Variants in ARHGAP10 observed in about 807,000 individuals in gnomAD.
The protein encoded by ARHGAP10 is rho GTPase-activating protein 10.
A neutral mutation model predicts 108.6 loss-of-function variants in ARHGAP10; 87 were observed. That is an observed-to-expected ratio of 0.80 (90% CI 0.67 to 0.96). The LOEUF is 0.96. Among genes scored for constraint, ARHGAP10 ranks in the 40% least tolerant of loss-of-function variants. The pLI is 0.00. For synonymous variants in ARHGAP10, 347 were observed against 341.1 expected, an observed-to-expected ratio of 1.02 and a Z score of -0.19; for missense variants, 939 against 954.5, an observed-to-expected ratio of 0.98 and a Z score of 0.21.
intron 3 of ARHGAP10, among the ~76,000 whole-genome samples, chr4:147,831,541 A>G (rs1258898772): frequency 1.3e-5 from 2 of 152,248 alleles, no homozygotes; most frequent in Non-Finnish European, 2.9e-5. Context: ...AGGCACATTC[A>G]GAATGGAGGA....
intron 13 of ARHGAP10, among the ~76,000 whole-genome samples, chr4:147,936,594 G>T (rs1441052921): frequency 6.6e-6 from 1 of 152,070 alleles, no homozygotes; most frequent in Non-Finnish European, 1.5e-5. Context: ...CTCCCAAAGT[G>T]CTGGGATTAC....
At chr4:147,929,941 A>G (rs532215876) in intron 13 of ARHGAP10, among the ~76,000 whole-genome samples, 5 of 152,372 alleles carry the variant, frequency 3.3e-5, no homozygotes, top group Non-Finnish European at 5.9e-5. Flanking sequence ...GCATTTGTGC[A>G]TACACATGTG....
chr4:148,022,680 A>G (rs922250569), intron 18 of ARHGAP10, among the ~76,000 whole-genome samples: 1 of 152,264 alleles, frequency 6.6e-6, no homozygotes, highest in African/African-American at 2.4e-5. Context: ...TCTAGGTTTC[A>G]TAAATGAAAG....
chr4:148,065,842 A>G lies in ARHGAP10; in HGVS notation c.2272+1335A>G, dbSNP rs78266135. Among the ~76,000 whole-genome samples the G allele has an allele frequency of 6.6e-3, 999 of 152,232 alleles. 12 individuals carry two copies. The highest frequency in any genetic ancestry group is 0.023 in the African/African-American group (950 of 41,546). ...AACAAAAATTGACACAACTGTTTGA[A>G]TCAATCATGAAGATGGATTAAAGTC... On this transcript the variant is annotated intron_variant, in intron 22 of 22. Transcript: ENST00000336498.
At chr4:147,824,807 C>T (rs1039438389) in intron 3 of ARHGAP10, among the ~76,000 whole-genome samples, 6 of 152,162 alleles carry the variant, frequency 3.9e-5, no homozygotes, top group African/African-American at 7.2e-5. Context: ...ATGGAGTTTA[C>T]GCTTTCGTGT....
At chr4:147,769,415 G>C (rs2126716568) in intron 1 of ARHGAP10, among the ~76,000 whole-genome samples, 1 of 152,264 alleles carries the variant, frequency 6.6e-6, no homozygotes, top group Non-Finnish European at 1.5e-5. Context: ...ATGTTTCTCT[G>C]TTCTGTTTGG....
At chr4:147,998,955 C>A (rs1050140966) in intron 18 of ARHGAP10, among the ~76,000 whole-genome samples, 2 of 152,084 alleles carry the variant, frequency 1.3e-5, no homozygotes. Context: ...GAGAGGGAAA[C>A]GAGGTGGTAT....
intron 1 of ARHGAP10, among the ~76,000 whole-genome samples, chr4:147,784,050 T>G (rs1560755807): frequency 7.0e-6 from 1 of 143,416 alleles, no homozygotes; most frequent in East Asian, 2.1e-4. Context: ...ATATATTATA[T>G]ATTTTACATA....
chr4:147,862,790 A>G (rs1280074942), intron 5 of ARHGAP10: 1 of 152,238 alleles, frequency 6.6e-6, no homozygotes, highest in Non-Finnish European at 1.5e-5. Context: ...TTTCTTCAAG[A>G]GCCTTTGCAG....
intron 10 of ARHGAP10, 82 bp from the exon 11 acceptor site, chr4:147,906,556 A>G (rs1318350978): frequency 1.5e-6 from 2 of 1,349,566 alleles, no homozygotes; most frequent in African/African-American, 2.9e-5. Context: ...TAAAAAAAAA[A>G]TGGTTACAAC....
intron 1 of ARHGAP10, among the ~76,000 whole-genome samples, chr4:147,799,680 T>G (rs1560765421): frequency 6.6e-6 from 1 of 152,238 alleles, no homozygotes; most frequent in African/African-American, 2.4e-5. Flanking sequence ...ATAATTTCAC[T>G]TCTGAGATTT....
chr4:147,820,709 G>T (rs1251974229), intron 1 of ARHGAP10, among the ~76,000 whole-genome samples: 1 of 145,800 alleles, frequency 6.9e-6, no homozygotes, highest in African/African-American at 2.6e-5. Flanking sequence ...TCGTGCCTCA[G>T]CCTCCCAAGT....
In ARHGAP10 at chr4:147,873,894, G is replaced by GGT. The variant is rs1436215925; in HGVS notation, c.703-1126_703-1125insTG. ...TGTCTTTAAAAAAAAAAAAAAGGGG[G>GGT]GATAAGAAAACCTGGAGAAATGGAA... On this transcript the variant is annotated intron_variant, in intron 7 of 22. Transcript: ENST00000336498. Among the ~76,000 whole-genome samples, 16 of 151,040 alleles carry GGT rather than the reference G, an allele frequency of 1.1e-4. 2 individuals carry two copies. The East Asian group carries it at 3.1e-3, about 29-fold the overall frequency.
intron 7 of ARHGAP10, among the ~76,000 whole-genome samples, chr4:147,869,671 A>G (rs1210040304): frequency 2.0e-5 from 3 of 151,896 alleles, no homozygotes; most frequent in Non-Finnish European, 4.4e-5. Context: ...TTCTCTAAAT[A>G]TTCCTCTCTT....
chr4:147,878,103 AT>A (rs758842456), intron 8 of ARHGAP10, among the ~76,000 whole-genome samples: 165 of 132,524 alleles, frequency 1.2e-3, no homozygotes, highest in Middle Eastern at 8.5e-3. Flanking sequence ...CGCCCAGCTA[AT>A]TTTTTTTTTT....
intron 18 of ARHGAP10, among the ~76,000 whole-genome samples, chr4:148,002,832 C>G (rs1055791069): frequency 3.9e-5 from 6 of 152,126 alleles, no homozygotes; most frequent in East Asian, 1.9e-4. Context: ...TGCTAGTGGT[C>G]TATCAATTTT....
intron 16 of ARHGAP10, among the ~76,000 whole-genome samples, chr4:147,961,857 A>G (rs1739011286): frequency 1.3e-5 from 2 of 152,002 alleles, no homozygotes; most frequent in African/African-American, 2.4e-5. Flanking sequence ...TCCTGATGAC[A>G]TCGTACCTCC....
intron 1 of ARHGAP10, among the ~76,000 whole-genome samples, chr4:147,734,333 C>A (rs1728340594): frequency 6.6e-6 from 1 of 152,150 alleles, no homozygotes; most frequent in Non-Finnish European, 1.5e-5. Flanking sequence ...CAGATGTCAG[C>A]TTTCCTCCAG....
chr4:147,922,591 G>A (rs1333404183), intron 13 of ARHGAP10, among the ~76,000 whole-genome samples: 2 of 149,156 alleles, frequency 1.3e-5, no homozygotes, highest in African/African-American at 2.5e-5. Context: ...GGGAGGCTGA[G>A]GCAGGAGAAT....
Sources: allele counts gnomAD v4.1 joint callset (sites outside exome capture counted in the v4.1 genomes callset), GRCh38; gene constraint gnomAD v4.1.1; transcripts MANE v1.5; gene names NCBI Gene and HGNC (gene_info 2026-07-23, HGNC 2026-07-21).